Variants in MRGPRX2 observed in about 807,000 individuals in gnomAD.
MRGPRX2 encodes the protein MAS related GPR family member X2, also known as mas-related G protein-coupled receptor member X2.
For missense variants in MRGPRX2, 389 were observed against 404.5 expected, an observed-to-expected ratio of 0.96 and a Z score of 0.33; for synonymous variants, 183 against 175.6, an observed-to-expected ratio of 1.04 and a Z score of -0.33.
rs2133313741 is a variant in MRGPRX2, at chr11:19,055,536, C to T, written c.867G>A (p.Trp289Ter). The T allele has an allele frequency of 6.2e-7, 1 of 1,614,152 alleles. No individual in the cohort carries two copies. Among genetic ancestry groups the T allele is most frequent in the East Asian group, 2.2e-5 (1 of 44,890 alleles). ...YFFVGSFRKQWRLQQPILKLA... is the reference protein window; with the variant it reads ...YFFVGSFRKQ ...GCTTGAGGATCGGCTGCTGCAGCCG[C>T]CACTGCTTCCTAAAAGAGCCCACGA... The change falls in exon 2 of 2, where the codon TGG becomes TGA. Residue 289 changes from tryptophan (W) to a stop codon, truncating the protein, a stop_gained. Transcript: ENST00000329773. LOFTEE classifies it low-confidence loss of function (END_TRUNC).
chr11:19,055,472 C>G lies in MRGPRX2; in HGVS notation c.931G>C (p.Asp311His), dbSNP rs772332637. 1 of 1,613,640 alleles carries G rather than the reference C, an allele frequency of 6.2e-7. No homozygotes were observed. Among genetic ancestry groups the G allele is most frequent in the Non-Finnish European group, 8.5e-7 (1 of 1,179,554 alleles). ...TGACGGAAGCATCCTTCACTGTGAT[C>G]CACCTCAGCAATGTCCTGCAGAGCC... ...QRALQDIAEV[D>H]HSEGCFRQGT... Residue 311 changes from aspartate to histidine, a missense_variant, in exon 2 of 2, where the codon GAT becomes CAT. Coordinates refer to ENST00000329773, the MANE Select transcript of MRGPRX2 (RefSeq NM_054030.4).
Position 19,055,794 on chromosome 11 carries a change from C to A in MRGPRX2, c.609G>T (p.Leu203=), listed in dbSNP as rs1436935961. ...FLFMVLCGSS[L]ALLVRILCGS... is the part of the protein sequence containing the mutation. ...CACAGAGGATCCTGACCAGCAGGGC[C>A]AGACTGGACCCACAGAGAACCATGA... Residue 203 remains leucine, a synonymous_variant, in exon 2 of 2, where the codon CTG becomes CTT. Coordinates refer to ENST00000329773, the MANE Select transcript of MRGPRX2 (RefSeq NM_054030.4). The A allele has an allele frequency of 4.3e-6, 7 of 1,614,138 alleles. No homozygotes were observed. The highest frequency in any genetic ancestry group is 5.9e-6 in the Non-Finnish European group (7 of 1,180,028).
chr11:19,058,687 A>G (rs1459181987), intron 1 of MRGPRX2, among the ~76,000 whole-genome samples: 2 of 151,704 alleles, frequency 1.3e-5, no homozygotes, highest in East Asian at 3.9e-4. Context: ...CGGCCTCCCA[A>G]AGTGCCAGGA....
chr11:19,056,187 G>T lies in MRGPRX2; in HGVS notation c.216C>A (p.Ala72=), dbSNP rs758641595. ...NAFSVYVLSL[A]GADFLFLCFQ... is the part of the protein sequence containing the mutation. ...AGCAGAGGAAGAGGAAGTCGGCCCC[G>T]GCCAGGCTGAGGACGTAGACAGAGA... Residue 72 remains alanine, a synonymous_variant, in exon 2 of 2, where the codon GCC becomes GCA. Coordinates refer to ENST00000329773, the MANE Select transcript of MRGPRX2 (RefSeq NM_054030.4). The T allele has an allele frequency of 1.1e-5, 18 of 1,614,022 alleles. No homozygotes were observed. Among genetic ancestry groups the T allele is most frequent in the Admixed American group, 1.7e-5 (1 of 59,998 alleles).
chr11:19,059,018 G>A (rs752761442), intron 1 of MRGPRX2, among the ~76,000 whole-genome samples: 67 of 152,182 alleles, frequency 4.4e-4, no homozygotes, highest in Non-Finnish European at 8.5e-4. Flanking sequence ...GTGAGGCAGT[G>A]TTGAGAAAAA....
In MRGPRX2 at chr11:19,058,596, A is replaced by AT. The variant is rs72351751; in HGVS notation, c.-26+2022dup. On this transcript the variant is annotated intron_variant, in intron 1 of 1. Coordinates refer to ENST00000329773, the MANE Select transcript of MRGPRX2 (RefSeq NM_054030.4). ...CCACCACGACTGGCTAATTTTTTGT[A>AT]TTTTTTTTTTCAGTAGAGACGGGGT... 1.4e-3 allele frequency among the ~76,000 whole-genome samples: 199 copies of AT among 145,808 alleles called. 1 individual carries two copies. Among genetic ancestry groups the AT allele is most frequent in the Middle Eastern group, 7.0e-3 (2 of 284 alleles).
At chr11:19,056,509 C>T in intron 1 of MRGPRX2, 82 bp from the exon 2 acceptor site, 1 of 1,335,080 alleles carries the variant, frequency 7.5e-7, no homozygotes, top group Non-Finnish European at 1.0e-6. Flanking sequence ...AATTACCGCC[C>T]CTGTTTTACA....
intron 1 of MRGPRX2, among the ~76,000 whole-genome samples, chr11:19,058,914 T>C (rs1029454999): frequency 1.3e-5 from 2 of 152,160 alleles, no homozygotes; most frequent in African/African-American, 4.8e-5. Flanking sequence ...GTTTCCTGAA[T>C]CACATGGTGA....
Position 19,056,058 on chromosome 11 carries a change from T to G in MRGPRX2, c.345A>C (p.Ala115=), listed in dbSNP as rs767074170. The change falls in exon 2 of 2, where the codon GCA becomes GCC. Residue 115 remains alanine, a synonymous_variant. Transcript: ENST00000329773. The stretch of plus-strand genomic sequence containing the variant: ...TGACGGTGCTCAGCATGCTCAGGCC[T>G]GCAAGGTAGGCACAGGTCATCACAG... ...FTTVMTCAYL[A]GLSMLSTVST... is the part of the protein sequence containing the mutation. The G allele has an allele frequency of 6.2e-7, 1 of 1,614,186 alleles. No individual in the cohort carries two copies. Among genetic ancestry groups the G allele is most frequent in the Non-Finnish European group, 8.5e-7 (1 of 1,180,038 alleles).
intron 1 of MRGPRX2, among the ~76,000 whole-genome samples, chr11:19,059,486 T>C (rs1849648550): frequency 1.3e-5 from 2 of 152,318 alleles, no homozygotes; most frequent in East Asian, 1.9e-4. Context: ...TGTGTACTTA[T>C]AGCTGGGAGT....
intron 1 of MRGPRX2, among the ~76,000 whole-genome samples, chr11:19,058,856 T>C (rs1175975945): frequency 6.6e-6 from 1 of 152,204 alleles, no homozygotes; most frequent in Non-Finnish European, 1.5e-5. Context: ...CCATCTATTG[T>C]AATACGCTCA....
At chr11:19,058,226 C>A (rs977616248) in intron 1 of MRGPRX2, among the ~76,000 whole-genome samples, 2 of 152,160 alleles carry the variant, frequency 1.3e-5, no homozygotes, top group Non-Finnish European at 2.9e-5. Context: ...GGTTGGAGGC[C>A]TCCAAGGGGA....
intron 1 of MRGPRX2, 77 bp from the exon 2 acceptor site, chr11:19,056,504 C>T: frequency 2.8e-6 from 4 of 1,404,126 alleles, no homozygotes; most frequent in Non-Finnish European, 3.9e-6. Flanking sequence ...GTGGTAATTA[C>T]CGCCCCTGTT....
chr11:19,056,318 C>G lies in MRGPRX2; in HGVS notation c.85G>C (p.Glu29Gln), dbSNP rs1849619635. Reference protein sequence around the residue: ...DQALLLLCGKETLIPVFLILF... With the variant: ...DQALLLLCGKQTLIPVFLILF... Reference sequence around the variant, plus strand: ...ATCAGGAAGACCGGGATCAGGGTCTCCTTGCCACAAAGCAGAAGAAGGGCT... The same window carrying G: ...ATCAGGAAGACCGGGATCAGGGTCTGCTTGCCACAAAGCAGAAGAAGGGCT... The change falls in exon 2 of 2, where the codon GAG becomes CAG. Residue 29 changes from glutamate (E) to glutamine (Q), a missense_variant. Physicochemically the swap from Glu to Gln is conservative, Grantham distance 29. Coordinates refer to ENST00000329773, the MANE Select transcript of MRGPRX2 (RefSeq NM_054030.4). 6.2e-7 allele frequency: 1 copy of G among 1,614,216 alleles called. No homozygotes were observed. The highest frequency in any genetic ancestry group is 1.1e-5 in the South Asian group (1 of 91,078).
In MRGPRX2 at chr11:19,055,455, G is replaced by C. The variant is rs1266958845; in HGVS notation, c.948C>G (p.Cys316Trp). The change falls in exon 2 of 2, where the codon TGC becomes TGG. Residue 316 changes from cysteine to tryptophan, a missense_variant. By Grantham distance (215) the Cys-to-Trp change is radical. Transcript: ENST00000329773. ...ACATCTCCGGGGTGCCCTGACGGAA[G>C]CATCCTTCACTGTGATCCACCTCAG... ...DIAEVDHSEG[C>W]FRQGTPEMSR... The C allele has an allele frequency of 6.2e-7, 1 of 1,611,526 alleles. No individual in the cohort carries two copies. Among genetic ancestry groups the C allele is most frequent in the Admixed American group, 1.7e-5 (1 of 59,972 alleles).
Position 19,055,944 on chromosome 11 carries a change from G to C in MRGPRX2, c.459C>G (p.Leu153=). Residue 153 remains leucine (L), a synonymous_variant, in exon 2 of 2, where the codon CTC becomes CTG. Transcript: ENST00000329773. ...TGCTCAGCAGTAGGGACAGGGCCCA[G>C]AGCAGGACACACACGACCGCTGACA... is the stretch of plus-strand genomic sequence containing the variant. ...RHLSAVVCVL[L]WALSLLLSIL... is the part of the protein sequence containing the mutation. The C allele has an allele frequency of 1.2e-6, 2 of 1,614,220 alleles. No homozygotes were observed. Among genetic ancestry groups the C allele is most frequent in the Admixed American group, 1.7e-5 (1 of 60,028 alleles).
At chr11:19,060,101 G>C (rs75237301) in intron 1 of MRGPRX2, among the ~76,000 whole-genome samples, 3,129 of 152,226 alleles carry the variant, frequency 0.021, 60 homozygotes, top group Middle Eastern at 0.041. Context: ...TTCAGACCTA[G>C]CAACGGTAAC....
At position 19,055,321 on chromosome 11, in the gene MRGPRX2, G is replaced by A; in HGVS notation, c.*89C>T. 1 of 1,356,750 alleles carries A rather than the reference G, an allele frequency of 7.4e-7. No individual in the cohort carries two copies. The highest frequency in any genetic ancestry group is 1.0e-6 in the Non-Finnish European group (1 of 986,054). 84.0% of individuals were successfully genotyped at this position (1,356,750 alleles called of 1,614,324 possible). On this transcript the variant is annotated 3_prime_UTR_variant, in exon 2 of 2. Transcript: ENST00000329773. ...ACTCTCTTAACTGTTTTAAAATCAG[G>A]ACTGAGAAAGTTCAGCAAATCAGAC...
Position 19,056,418 on chromosome 11 carries a change from A to G in MRGPRX2, c.-16T>C, listed in dbSNP as rs1849621063. 2 of 1,593,822 alleles carry G rather than the reference A, an allele frequency of 1.3e-6. No individual in the cohort carries two copies. The highest frequency in any genetic ancestry group is 4.5e-5 in the East Asian group (2 of 44,454). Reference sequence around the variant, plus strand: ...TTGGATCCATGCTCAGAAAACCTCCACTGGTGCCCCTGGAAACAAAAACAA... The same window carrying G: ...TTGGATCCATGCTCAGAAAACCTCCGCTGGTGCCCCTGGAAACAAAAACAA... On this transcript the variant is annotated 5_prime_UTR_variant, in exon 2 of 2. Transcript: ENST00000329773.
Sources: gnomAD v4.1 joint callset for allele counts (sites outside exome capture counted in the v4.1 genomes callset) on GRCh38, gnomAD v4.1.1 for gene constraint, MANE v1.5 for transcripts, NCBI Gene and HGNC (gene_info 2026-07-23, HGNC 2026-07-21) for gene names.